SLX9: variants seen among roughly 807,000 people sequenced by gnomAD.
SLX9 encodes the protein ribosome biogenesis protein SLX9 homolog.
Under a neutral mutation model 20.8 loss-of-function variants are expected in SLX9, and 19 were observed. The observed-to-expected ratio is 0.91, with a 90% CI of 0.64 to 1.34. The LOEUF (loss-of-function observed/expected upper bound fraction) is 1.34, where lower values mean the gene tolerates loss of function less well. SLX9 is among the 40% of genes most tolerant of loss of function. The probability of loss-of-function intolerance (pLI) is 0.00; values close to 1 mark genes in which losing one functional copy is unlikely to be tolerated. For synonymous variants in SLX9, 113 were observed against 137.1 expected (o/e 0.82, Z 1.23); for missense variants, 299 against 322.2 (o/e 0.93, Z 0.55).
At chr21:44,968,302 ACCACCACCCGGTGACGCAACC>A (rs1568944181) in intron 4 of SLX9, among the ~76,000 whole-genome samples, 1 of 150,896 alleles carries the variant, frequency 6.6e-6, no homozygotes. Context: ...CAATGAAGAT[ACCACCACCCGGTGACGCAACC>A]CCACCACCCA....
At chr21:44,947,147 T>C (rs55716911) in intron 2 of SLX9, among the ~76,000 whole-genome samples, 7,799 of 152,268 alleles carry the variant, frequency 0.051, 257 homozygotes, top group East Asian at 0.099. Flanking sequence ...GATTGGCTGG[T>C]GCCCTGCGTC....
Position 44,973,196 on chromosome 21 carries a change from G to C in SLX9, c.501-1G>C. 6.2e-7 allele frequency: 1 copy of C among 1,613,076 alleles called. No individual in the cohort carries two copies. The highest frequency in any genetic ancestry group is 1.7e-4 in the Middle Eastern group (1 of 6,026). On this transcript the variant is annotated splice_acceptor_variant, in intron 4 of 5. Coordinates refer to ENST00000291634, the MANE Select transcript of SLX9 (RefSeq NM_058190.4). LOFTEE classifies it high-confidence loss of function. ...CTCACGTGGCTTCTCTGTGTCCACA[G>C]CAGGGAGAGCAACAAGCCCCGGCCC...
intron 4 of SLX9, among the ~76,000 whole-genome samples, chr21:44,972,150 C>T (rs555997877): frequency 6.6e-6 from 1 of 152,208 alleles, no homozygotes; most frequent in East Asian, 1.9e-4. Flanking sequence ...GAGGACTCTG[C>T]GTCTCTGCCT....
At chr21:44,946,333 C>T (rs900119569) in intron 2 of SLX9, among the ~76,000 whole-genome samples, 1 of 151,792 alleles carries the variant, frequency 6.6e-6, no homozygotes. Flanking sequence ...TTCTGGCGCT[C>T]CCCAGCCCTG....
chr21:44,973,116 A>G (rs1013223453), intron 4 of SLX9, 81 bp from the exon 5 acceptor site: 1 of 1,512,134 alleles, frequency 6.6e-7, no homozygotes, highest in Non-Finnish European at 9.2e-7. Flanking sequence ...TGCTCTAAGA[A>G]GGGAGGAGCC....
intron 1 of SLX9, 51 bp downstream of exon 1, chr21:44,940,237 G>A: frequency 8.3e-7 from 1 of 1,204,376 alleles, no homozygotes; most frequent in Non-Finnish European, 1.0e-6. Flanking sequence ...CCGAGGGCGG[G>A]TGAGCTGCGG....
At chr21:44,943,549 C>A in intron 1 of SLX9, 135 bp from the exon 2 acceptor site, 3 of 1,240,936 alleles carry the variant, frequency 2.4e-6, no homozygotes, top group Non-Finnish European at 1.1e-6. Flanking sequence ...TTGTTTCCCC[C>A]AGGTCCTCCC....
chr21:44,940,384 G>T (rs1287871230), intron 1 of SLX9, among the ~76,000 whole-genome samples, 198 bp downstream of exon 1: 3 of 152,246 alleles, frequency 2.0e-5, no homozygotes, highest in African/African-American at 7.2e-5. Flanking sequence ...GCCGTCCTGG[G>T]CACACGGACT....
intron 5 of SLX9, among the ~76,000 whole-genome samples, chr21:44,974,827 T>TA (rs753180471): frequency 1.3e-5 from 2 of 152,238 alleles, no homozygotes; most frequent in African/African-American, 2.4e-5. Flanking sequence ...CGTGTGGCCA[T>TA]CGTCCTGCCT....
Position 44,965,349 on chromosome 21 carries a change from C to T in SLX9, c.353-1685C>T, listed in dbSNP as rs77558914. Among the ~76,000 whole-genome samples the T allele has an allele frequency of 9.7e-3, 1,483 of 152,270 alleles. 34 individuals carry two copies. The highest frequency in any genetic ancestry group is 0.034 in the African/African-American group (1,391 of 41,518). On this transcript the variant is annotated intron_variant, in intron 3 of 5. Transcript: ENST00000291634. ...TTCCCAGGCCGTGGGTCCCGCCCCGCCACTGCCTCGCTCCCTCCCTCCCCC... is the reference window on the plus strand; with the variant it reads ...TTCCCAGGCCGTGGGTCCCGCCCCGTCACTGCCTCGCTCCCTCCCTCCCCC...
At position 44,962,123 on chromosome 21, in the gene SLX9, CA is replaced by C. The variant is rs753361309; in HGVS notation, c.352+1958del. Among the ~76,000 whole-genome samples, 81 of 152,196 alleles carry C rather than the reference CA, an allele frequency of 5.3e-4. 1 individual carries two copies. Among genetic ancestry groups the C allele is most frequent in the South Asian group, 1.7e-3 (8 of 4,828 alleles). On this transcript the variant is annotated intron_variant, in intron 3 of 5. Coordinates refer to ENST00000291634, the MANE Select transcript of SLX9 (RefSeq NM_058190.4). ...TGGCAGACATCAGTACACTCCACCC[CA>C]AATAATTCTGCTAGAGTTCATGGTT...
At position 44,951,857 on chromosome 21, in the gene SLX9, G is replaced by T. The variant is rs1012663351; in HGVS notation, c.283+8020G>T. Among the ~76,000 whole-genome samples, 4 of 152,200 alleles carry T rather than the reference G, an allele frequency of 2.6e-5. No individual in the cohort carries two copies. The South Asian group carries it at 8.3e-4, about 32-fold the overall frequency. ...GGAGCCCTTGCTGCTCTTTGTCCGA[G>T]CAGGGTTCGCCCGTCGTGTGTGGGT... On this transcript the variant is annotated intron_variant, in intron 2 of 5. Transcript: ENST00000291634.
At chr21:44,940,760 GCTT>G (rs1360670801) in intron 1 of SLX9, among the ~76,000 whole-genome samples, 1 of 151,476 alleles carries the variant, frequency 6.6e-6, no homozygotes, top group African/African-American at 2.4e-5. Context: ...TGTTCACTGA[GCTT>G]CTTGCGTGTG....
At chr21:44,964,728 G>A (rs58951027) in intron 3 of SLX9, among the ~76,000 whole-genome samples, 11,920 of 152,200 alleles carry the variant, frequency 0.078, 1,554 homozygotes, top group African/African-American at 0.27. Flanking sequence ...AGCTCCCTCC[G>A]TCCTCGAACA....
chr21:44,975,963 A>G (rs899859245), intron 5 of SLX9, among the ~76,000 whole-genome samples: 31 of 152,356 alleles, frequency 2.0e-4, no homozygotes, highest in African/African-American at 7.5e-4. Flanking sequence ...CTCCGTGCAC[A>G]CGGGGCACAC....
intron 2 of SLX9, among the ~76,000 whole-genome samples, chr21:44,950,100 ATT>A (rs142870585): frequency 2.0e-4 from 29 of 146,314 alleles, no homozygotes; most frequent in Admixed American, 2.7e-4. Flanking sequence ...GTCTTCAGGG[ATT>A]TTTTTTTTTT....
At chr21:44,975,299 G>A (rs1185706774) in intron 5 of SLX9, among the ~76,000 whole-genome samples, 2 of 152,208 alleles carry the variant, frequency 1.3e-5, no homozygotes, top group African/African-American at 4.8e-5. Context: ...CCCCAAGGCT[G>A]CTCCCCTGAG....
intron 2 of SLX9, among the ~76,000 whole-genome samples, chr21:44,944,057 G>A (rs1272735501): frequency 6.6e-6 from 1 of 152,242 alleles, no homozygotes; most frequent in African/African-American, 2.4e-5. Flanking sequence ...TGCAAGAACT[G>A]CTCTGCGTCC....
chr21:44,956,367 G>T (rs952233826), intron 2 of SLX9, among the ~76,000 whole-genome samples: 9 of 152,132 alleles, frequency 5.9e-5, no homozygotes, highest in African/African-American at 2.2e-4. Flanking sequence ...TTATTTTTGT[G>T]TATAGAGTGA....
Sources: gnomAD v4.1 joint callset for allele counts (sites outside exome capture counted in the v4.1 genomes callset) on GRCh38, gnomAD v4.1.1 for gene constraint, MANE v1.5 for transcripts, NCBI Gene and HGNC (gene_info 2026-07-23, HGNC 2026-07-21) for gene names.